The following BOC variants were observed in gnomAD, a reference collection of about 807,000 sequenced individuals.
The protein encoded by BOC is BOC cell adhesion associated, oncogene regulated, also known as brother of CDO.
Under a neutral mutation model 112.0 loss-of-function variants are expected in BOC, and 76 were observed. The observed-to-expected ratio is 0.68, with a 90% CI of 0.56 to 0.82. BOC has a LOEUF of 0.82. Ranked by LOEUF, BOC falls within the 40% of genes least tolerant of loss-of-function variation. The pLI, the probability that BOC is intolerant of heterozygous loss-of-function variation, is 0.00. For synonymous variants in BOC, 580 were observed against 599.8 expected (o/e 0.97, Z 0.48); for missense variants, 1,309 against 1,511.7 (o/e 0.87, Z 2.22).
At chr3:113,256,233 C>T (rs1024250836) in intron 4 of BOC, among the ~76,000 whole-genome samples, 1 of 152,202 alleles carries the variant, frequency 6.6e-6, no homozygotes, top group Non-Finnish European at 1.5e-5. Context: ...CTTAGGAAGA[C>T]AGTCCAGAGG....
intron 2 of BOC, among the ~76,000 whole-genome samples, chr3:113,232,281 G>C (rs1180592340): frequency 6.6e-6 from 1 of 152,162 alleles, no homozygotes; most frequent in South Asian, 2.1e-4. Context: ...CAGGGGTTGG[G>C]GCTGGGGGCT....
At chr3:113,260,190 G>A (rs1946668756) in intron 4 of BOC, among the ~76,000 whole-genome samples, 2 of 152,198 alleles carry the variant, frequency 1.3e-5, no homozygotes, top group African/African-American at 2.4e-5. Flanking sequence ...TCATGAAAGA[G>A]GAAGACTCCC....
At position 113,270,859 on chromosome 3, in the gene BOC, C is replaced by T. The variant is rs140032333; in HGVS notation, c.582C>T (p.Asp194=). 34 of 1,613,966 alleles carry T rather than the reference C, an allele frequency of 2.1e-5. No homozygotes were observed. Among genetic ancestry groups the T allele is most frequent in the East Asian group, 1.3e-4 (6 of 44,880 alleles). ...AGATTGTGAATGCCAGCCAGGAGGA[C>T]GAGGGCATGTACAAGTGTGCAGCCT... The part of the protein sequence containing the change: ...NLQIVNASQE[D]EGMYKCAAYN... The change falls in exon 6 of 20, where the codon GAC becomes GAT. Residue 194 remains aspartate, a synonymous_variant. Coordinates refer to ENST00000682979, the MANE Select transcript of BOC (RefSeq NM_001378074.1).
At chr3:113,247,477 C>T (rs1414555193) in intron 2 of BOC, among the ~76,000 whole-genome samples, 1 of 141,902 alleles carries the variant, frequency 7.0e-6, no homozygotes, top group Non-Finnish European at 1.5e-5. Context: ...GCTAAACACC[C>T]ACTGGTTTCA....
In BOC at chr3:113,274,702, C is replaced by T. The variant is rs1408818141; in HGVS notation, c.1542+20C>T. 6.4e-7 allele frequency: 1 copy of T among 1,562,192 alleles called. No individual in the cohort carries two copies. Among genetic ancestry groups the T allele is most frequent in the South Asian group, 1.2e-5 (1 of 84,402 alleles). ...CGCAAGGTATGGCCCTGGTGTGGGG[C>T]TGCTGCCTCCCCTGCACAGCCTTTC... On this transcript the variant is annotated intron_variant, in intron 9 of 19. Transcript: ENST00000682979. This position sits in a 1 kb window ranked among gnomAD's most constrained non-coding sequence, Gnocchi z 4.8.
At chr3:113,227,945 C>T (rs182307671) in intron 2 of BOC, among the ~76,000 whole-genome samples, 37 of 151,872 alleles carry the variant, frequency 2.4e-4, no homozygotes, top group Admixed American at 7.2e-4. Context: ...ATGGATGCCA[C>T]AAGGTTACTC....
intron 2 of BOC, among the ~76,000 whole-genome samples, chr3:113,218,133 G>A (rs1461336229): frequency 6.6e-6 from 1 of 152,170 alleles, no homozygotes; most frequent in African/African-American, 2.4e-5. Flanking sequence ...ACACAGGATG[G>A]GAGCTACAGG....
rs573135086 is a variant in BOC, at chr3:113,250,967, A to C, written c.376+134A>C. 1.3e-5 allele frequency: 15 copies of C among 1,169,318 alleles called. No homozygotes were observed. The South Asian group carries it at 2.2e-4, about 17-fold the overall frequency. 72.4% of individuals were successfully genotyped at this position (1,169,318 alleles called of 1,614,324 possible). The stretch of plus-strand genomic sequence containing the variant: ...GCCTTAACTGCAGAAATGTCAAATC[A>C]GAACAGTAGCTGCCTAGTAATGCCC... On this transcript the variant is annotated intron_variant, in intron 4 of 19. Transcript: ENST00000682979.
chr3:113,228,195 A>G (rs866649054), intron 2 of BOC, among the ~76,000 whole-genome samples: 4 of 152,152 alleles, frequency 2.6e-5, no homozygotes, highest in Non-Finnish European at 5.9e-5. Flanking sequence ...ATTTCATGAG[A>G]CATTGGCTTT....
chr3:113,266,933 C>A (rs1576459344), intron 4 of BOC, among the ~76,000 whole-genome samples: 1 of 152,192 alleles, frequency 6.6e-6, no homozygotes, highest in Non-Finnish European at 1.5e-5. Flanking sequence ...TAGGGTGACA[C>A]CAGTTTGTTT....
intron 4 of BOC, among the ~76,000 whole-genome samples, chr3:113,263,032 A>G (rs964228273): frequency 6.6e-6 from 1 of 152,222 alleles, no homozygotes; most frequent in Admixed American, 6.5e-5. Flanking sequence ...GGGAAGGACC[A>G]AAGGATCAGC....
At chr3:113,223,467 G>A (rs80210396) in intron 2 of BOC, among the ~76,000 whole-genome samples, 3,375 of 152,198 alleles carry the variant, frequency 0.022, 53 homozygotes, top group African/African-American at 0.043. Context: ...AGTAAAGTCC[G>A]TAGTTTACAT....
chr3:113,224,836 G>A (rs1424936686), intron 2 of BOC, among the ~76,000 whole-genome samples: 1 of 152,192 alleles, frequency 6.6e-6, no homozygotes, highest in African/African-American at 2.4e-5. Context: ...GCTCACGCCT[G>A]TAATCCCAGC....
At position 113,274,309 on chromosome 3, in the gene BOC, G is replaced by A; in HGVS notation, c.1235-66G>A. 2 of 1,434,114 alleles carry A rather than the reference G, an allele frequency of 1.4e-6. No homozygotes were observed. Among genetic ancestry groups the A allele is most frequent in the East Asian group, 4.8e-5 (2 of 42,002 alleles). 88.8% of individuals were successfully genotyped at this position (1,434,114 alleles called of 1,614,324 possible). A position where few individuals can be genotyped will look rare whatever the true frequency, so the allele number is the denominator to read the frequency against. ...CTGTCTTCTTTCTGTTTTCTCCCCA[G>A]GAACAACAGCTCAGCAGGTAAACCA... On this transcript the variant is annotated intron_variant, in intron 8 of 19. Coordinates refer to ENST00000682979, the MANE Select transcript of BOC (RefSeq NM_001378074.1). The surrounding 1 kb of genome is among the most constrained non-coding windows in gnomAD (Gnocchi z 4.8).
At chr3:113,221,716 T>C (rs1940697191) in intron 2 of BOC, among the ~76,000 whole-genome samples, 1 of 152,232 alleles carries the variant, frequency 6.6e-6, no homozygotes, top group Non-Finnish European at 1.5e-5. Context: ...CCATTCTTCA[T>C]AGAAAAATCA....
At chr3:113,211,538 A>G (rs1235391758), upstream of BOC, 1 of 152,374 alleles carries the variant, frequency 6.6e-6, no homozygotes, top group East Asian at 1.9e-4. Flanking sequence ...AAGCAAAAGA[A>G]GGAATTGTTT....
chr3:113,280,343 T>C (rs1559884943), intron 13 of BOC, among the ~76,000 whole-genome samples: 2 of 152,110 alleles, frequency 1.3e-5, no homozygotes, highest in Non-Finnish European at 2.9e-5. Context: ...GTTTCTTCTC[T>C]TCAAAAGCTT....
chr3:113,274,502 A>G lies in BOC; in HGVS notation c.1362A>G (p.Ser454=), dbSNP rs1429411698. 1 of 1,612,914 alleles carries G rather than the reference A, an allele frequency of 6.2e-7. No individual in the cohort carries two copies. Among genetic ancestry groups the G allele is most frequent in the East Asian group, 2.2e-5 (1 of 44,864 alleles). ...GQPALPRPPT[S]VGPASPQCPG... ...CGGCGCTCCCCAGACCCCCAACGTCAGTGGGGCCTGCTTCCCCGCAGTGTC... is the reference window on the plus strand; with the variant it reads ...CGGCGCTCCCCAGACCCCCAACGTCGGTGGGGCCTGCTTCCCCGCAGTGTC... The change falls in exon 9 of 20, where the codon TCA becomes TCG. Residue 454 remains serine, a synonymous_variant. Transcript: ENST00000682979. The surrounding 1 kb of genome is among the most constrained non-coding windows in gnomAD (Gnocchi z 4.8).
At chr3:113,262,940 C>A (rs1947051071) in intron 4 of BOC, among the ~76,000 whole-genome samples, 1 of 152,212 alleles carries the variant, frequency 6.6e-6, no homozygotes, top group South Asian at 2.1e-4. Flanking sequence ...TAGCCATGAG[C>A]CAGAAGCTCA....
Sources: allele counts gnomAD v4.1 joint callset (sites outside exome capture counted in the v4.1 genomes callset), GRCh38; gene constraint gnomAD v4.1.1; non-coding constraint Gnocchi (gnomAD v3.1); transcripts MANE v1.5; gene names NCBI Gene and HGNC (gene_info 2026-07-23, HGNC 2026-07-21).